The following COBL variants were observed in gnomAD, a reference collection of about 807,000 sequenced individuals.
COBL encodes cordon-bleu WH2 repeat protein.
Under a neutral mutation model 98.8 loss-of-function variants are expected in COBL, and 51 were observed. The observed-to-expected ratio is 0.52, with a 90% CI of 0.41 to 0.65. The LOEUF (loss-of-function observed/expected upper bound fraction) is 0.65, where lower values mean the gene tolerates loss of function less well. Among genes scored for constraint, COBL ranks in the 30% least tolerant of loss-of-function variants. The probability of loss-of-function intolerance (pLI) is 0.00; values close to 1 mark genes in which losing one functional copy is unlikely to be tolerated. For missense variants in COBL, 1,617 were observed against 1,617.5 expected, an observed-to-expected ratio of 1.00 and a Z score of 0.01; for synonymous variants, 634 against 651.7, an observed-to-expected ratio of 0.97 and a Z score of 0.41.
intron 6 of COBL, among the ~76,000 whole-genome samples, chr7:51,086,420 T>C (rs553516525): frequency 2.0e-5 from 3 of 149,714 alleles, no homozygotes; most frequent in Non-Finnish European, 4.4e-5. Flanking sequence ...ACAAGAGCTG[T>C]CCTGCTCTCT....
rs1584066185 is a variant in COBL, at chr7:51,177,766, T to C, written c.783+6336A>G. On this transcript the variant is annotated intron_variant, in intron 5 of 12. Transcript: ENST00000265136. The stretch of plus-strand genomic sequence containing the variant: ...CCAGTCTGGGCGACAGAGAGGACTC[T>C]GTCTCAAAAAAATAAATAAATAAAT... Among the ~76,000 whole-genome samples, 3 of 137,300 alleles carry C rather than the reference T, an allele frequency of 2.2e-5. No homozygotes were observed. In the South Asian group the frequency reaches 7.3e-4, roughly 34 times the overall value. 90.1% of individuals were successfully genotyped at this position (137,300 alleles called of 152,430 possible).
chr7:51,275,254 A>G (rs1052826941), intron 1 of COBL, among the ~76,000 whole-genome samples: 1 of 152,184 alleles, frequency 6.6e-6, no homozygotes, highest in South Asian at 2.1e-4. Flanking sequence ...GCCCTCCTGC[A>G]AAGGACCTGA....
chr7:51,018,611 G>A (rs931370567), intron 12 of COBL, among the ~76,000 whole-genome samples: 22 of 151,810 alleles, frequency 1.4e-4, no homozygotes, highest in African/African-American at 5.3e-4. Context: ...AACATTATGA[G>A]GGTGGGCATA....
At chr7:51,219,193 G>T (rs1486592972) in intron 2 of COBL, among the ~76,000 whole-genome samples, 1 of 152,206 alleles carries the variant, frequency 6.6e-6, no homozygotes, top group Non-Finnish European at 1.5e-5. Context: ...GTGCATGTGG[G>T]AACTGAGGGT....
chr7:51,178,965 A>G (rs1788675455), intron 5 of COBL, among the ~76,000 whole-genome samples: 1 of 152,196 alleles, frequency 6.6e-6, no homozygotes, highest in South Asian at 2.1e-4. Context: ...TTTGAAAAAA[A>G]TCACTTTGAC....
chr7:51,133,484 G>A lies in COBL; in HGVS notation c.957+2674C>T, dbSNP rs537050595. Among the ~76,000 whole-genome samples the A allele has an allele frequency of 8.5e-5, 13 of 152,250 alleles. No homozygotes were observed. In the Middle Eastern group the frequency reaches 0.017, roughly 199 times the overall value. ...TTCTCAAAGTGGGGTTCACCGGAGC[G>A]GCAGCACTTAAGATGCAAATGTTCA... is the stretch of plus-strand genomic sequence containing the variant. On this transcript the variant is annotated intron_variant, in intron 6 of 12. Transcript: ENST00000265136.
intron 7 of COBL, chr7:51,065,294 G>C: frequency 1.4e-6 from 1 of 703,452 alleles, no homozygotes; most frequent in Non-Finnish European, 2.6e-6. Context: ...TGGGGAAATG[G>C]GGAGGAGGAA....
intron 7 of COBL, among the ~76,000 whole-genome samples, chr7:51,051,464 C>G (rs184006468): frequency 2.0e-5 from 3 of 152,328 alleles, no homozygotes; most frequent in Admixed American, 2.0e-4. Flanking sequence ...GAGGCAATGA[C>G]TAAAAGTATT....
rs574603223 is a variant in COBL at position 51,301,067 on chromosome 7, G to A, written c.41+15526C>T. Reference sequence around the variant, plus strand: ...AAAATGGGAAGAGCACCCTCACCCCGCACGCTGAGATGAGGAGTGAGTGCG... The same window carrying A: ...AAAATGGGAAGAGCACCCTCACCCCACACGCTGAGATGAGGAGTGAGTGCG... On this transcript the variant is annotated intron_variant, in intron 1 of 12. Coordinates refer to ENST00000265136, the MANE Select transcript of COBL (RefSeq NM_015198.5). 2.8e-3 allele frequency among the ~76,000 whole-genome samples: 424 copies of A among 152,150 alleles called. 1 individual carries two copies. Among genetic ancestry groups the A allele is most frequent in the Non-Finnish European group, 4.4e-3 (297 of 67,998 alleles).
chr7:51,237,716 CA>C (rs1394590618), intron 1 of COBL, among the ~76,000 whole-genome samples: 2 of 152,006 alleles, frequency 1.3e-5, no homozygotes, highest in Admixed American at 6.5e-5. Flanking sequence ...CCGTTAAAAA[CA>C]AAAAAATTCA....
intron 12 of COBL, among the ~76,000 whole-genome samples, chr7:51,019,722 C>G (rs1786735098): frequency 6.6e-6 from 1 of 152,186 alleles, no homozygotes; most frequent in African/African-American, 2.4e-5. Flanking sequence ...AAAGACAGAA[C>G]TGACCCCTAG....
intron 5 of COBL, among the ~76,000 whole-genome samples, chr7:51,175,421 C>G (rs1451549804): frequency 1.3e-5 from 2 of 152,148 alleles, no homozygotes; most frequent in Non-Finnish European, 2.9e-5. Flanking sequence ...CTTTAAATGC[C>G]TAAACTGCCT....
At chr7:51,311,837 T>C (rs1475155184) in intron 1 of COBL, among the ~76,000 whole-genome samples, 1 of 151,496 alleles carries the variant, frequency 6.6e-6, no homozygotes, top group African/African-American at 2.4e-5. Context: ...GTATTTTAAA[T>C]AAAGAAAAAG....
chr7:51,271,983 C>T (rs560116268), intron 1 of COBL, among the ~76,000 whole-genome samples: 6 of 152,262 alleles, frequency 3.9e-5, no homozygotes, highest in South Asian at 2.1e-4. Context: ...GAGCCAAGAT[C>T]GTATCACTGC....
intron 6 of COBL, among the ~76,000 whole-genome samples, chr7:51,098,796 G>A (rs542353313): frequency 3.7e-4 from 57 of 152,188 alleles, no homozygotes; most frequent in Middle Eastern, 3.4e-3. Flanking sequence ...TGCAACAAAG[G>A]AAACAATCAA....
At chr7:51,060,470 A>G (rs1234892887) in intron 7 of COBL, among the ~76,000 whole-genome samples, 2 of 152,198 alleles carry the variant, frequency 1.3e-5, no homozygotes, top group Admixed American at 1.3e-4. Context: ...ACCTTGAAGC[A>G]GCTGGTTTGA....
At chr7:51,264,326 T>C (rs1198132944) in intron 1 of COBL, among the ~76,000 whole-genome samples, 1 of 152,130 alleles carries the variant, frequency 6.6e-6, no homozygotes, top group African/African-American at 2.4e-5. Flanking sequence ...TGAGGACACC[T>C]CTACGTAACA....
At chr7:51,300,590 A>G (rs1382497377) in intron 1 of COBL, among the ~76,000 whole-genome samples, 1 of 152,150 alleles carries the variant, frequency 6.6e-6, no homozygotes, top group East Asian at 1.9e-4. Flanking sequence ...CTGCTCCTAC[A>G]GGCCTGGGTC....
intron 5 of COBL, among the ~76,000 whole-genome samples, chr7:51,166,125 A>G (rs1787298666): frequency 6.6e-6 from 1 of 152,014 alleles, no homozygotes; most frequent in Non-Finnish European, 1.5e-5. Context: ...AGCAGAAATA[A>G]ATGAAATTAA....
Sources: allele counts gnomAD v4.1 joint callset (sites outside exome capture counted in the v4.1 genomes callset), GRCh38; gene constraint gnomAD v4.1.1; transcripts MANE v1.5; gene names NCBI Gene and HGNC (gene_info 2026-07-23, HGNC 2026-07-21).